The following MROH1 variants were observed in gnomAD, a reference collection of about 807,000 sequenced individuals.
MROH1 encodes the protein maestro heat like repeat family member 1.
Under a neutral mutation model 116.5 loss-of-function variants are expected in MROH1, and 117 were observed. The observed-to-expected ratio is 1.00, with a 90% CI of 0.86 to 1.17. The LOEUF is 1.17. MROH1 is among the 50% of genes most tolerant of loss of function. The pLI is 0.00. For synonymous variants in MROH1, 921 were observed against 583.9 expected, an observed-to-expected ratio of 1.58 and a Z score of -8.32; for missense variants, 1,873 against 1,338.5, an observed-to-expected ratio of 1.40 and a Z score of -6.23.
Position 144,239,184 on chromosome 8 carries a change from G to A in MROH1, c.1591+5G>A. On this transcript the variant is annotated splice_donor_5th_base_variant and intron_variant, in intron 16 of 43. Transcript: ENST00000326134. The stretch of plus-strand genomic sequence containing the variant: ...TCATCCAGTACGACGCCCATGGTGC[G>A]TGCCGCGCCGTACCCCACCTCCCCA... 3 of 758,000 alleles carry A rather than the reference G, an allele frequency of 4.0e-6. No individual in the cohort carries two copies. The highest frequency in any genetic ancestry group is 1.4e-5 in the South Asian group (1 of 73,514). 47.0% of individuals were successfully genotyped at this position (758,000 alleles called of 1,614,324 possible). A position where few individuals can be genotyped will look rare whatever the true frequency, so the allele number is the denominator to read the frequency against.
At chr8:144,187,272 C>T (rs1032547000) in intron 7 of MROH1, among the ~76,000 whole-genome samples, 1 of 151,892 alleles carries the variant, frequency 6.6e-6, no homozygotes, top group African/African-American at 2.4e-5. Flanking sequence ...TAGCCAGGTA[C>T]AGTGTCACGC....
chr8:144,208,008 C>G (rs1208220066), intron 12 of MROH1, among the ~76,000 whole-genome samples: 1 of 148,650 alleles, frequency 6.7e-6, no homozygotes, highest in Non-Finnish European at 1.5e-5. Flanking sequence ...TGCAGTGGTG[C>G]GATCTCAGCT....
In MROH1 at chr8:144,254,826, C is replaced by A; in HGVS notation, c.3442C>A (p.Leu1148Met). The A allele has an allele frequency of 2.6e-6, 2 of 776,678 alleles. No homozygotes were observed. Among genetic ancestry groups the A allele is most frequent in the South Asian group, 1.3e-5 (1 of 74,506 alleles). The allele number at this position is 776,678 out of a possible 1,614,324, so 48.1% of individuals were successfully genotyped here. ...PLPLDSHTCM[L>M]WRALAVEPRL... ...GCTCTGCTCCAGCCACACCTGCATG[C>A]TGTGGCGGGCGCTGGCGGTGGAGCC... The change falls in exon 34 of 44, where the codon CTG becomes ATG. Residue 1148 changes from leucine (L) to methionine (M), a missense_variant. By Grantham distance (15) the Leu-to-Met change is conservative. Transcript: ENST00000326134.
intron 12 of MROH1, among the ~76,000 whole-genome samples, chr8:144,210,653 C>T (rs1345410617): frequency 6.6e-6 from 1 of 151,666 alleles, no homozygotes; most frequent in African/African-American, 2.4e-5. Context: ...CGTGCCACTG[C>T]ACTCCAGCCT....
At chr8:144,225,909 A>AGTTT (rs1837703799) in intron 14 of MROH1, among the ~76,000 whole-genome samples, 11 of 45,086 alleles carry the variant, frequency 2.4e-4, no homozygotes, top group African/African-American at 1.1e-3. Flanking sequence ...ATTCATTTTT[A>AGTTT]GTTTTTTTTT....
chr8:144,158,710 AC>A, intron 1 of MROH1, among the ~76,000 whole-genome samples: 1 of 151,936 alleles, frequency 6.6e-6, no homozygotes, highest in Non-Finnish European at 1.5e-5. Context: ...TGGTCAGAGA[AC>A]ATACTTTGTA....
At chr8:144,178,699 G>T (rs1824751172) in intron 4 of MROH1, among the ~76,000 whole-genome samples, 1 of 152,208 alleles carries the variant, frequency 6.6e-6, no homozygotes, top group Admixed American at 6.5e-5. Flanking sequence ...GAGGGGCCAT[G>T]GTGGGTGCAT....
Position 144,180,601 on chromosome 8 carries a change from G to T in MROH1, c.562+78G>T, listed in dbSNP as rs974068035. On this transcript the variant is annotated intron_variant, in intron 7 of 43. Transcript: ENST00000326134. The surrounding 1 kb of genome is among the most constrained non-coding windows in gnomAD (Gnocchi z 7.4). The stretch of plus-strand genomic sequence containing the variant: ...GTTCCCGGGCATGCCTGTTTTAGGG[G>T]GGACAGGTGGGCACTTTAGGCTGCA... 2 of 1,376,502 alleles carry T rather than the reference G, an allele frequency of 1.5e-6. No individual in the cohort carries two copies. The highest frequency in any genetic ancestry group is 2.0e-6 in the Non-Finnish European group (2 of 999,066). 85.3% of individuals were successfully genotyped at this position (1,376,502 alleles called of 1,614,324 possible).
intron 10 of MROH1, chr8:144,192,906 G>A (rs932770211): frequency 2.3e-5 from 7 of 309,624 alleles, no homozygotes; most frequent in African/African-American, 6.7e-5. Flanking sequence ...TGCAGGTGCC[G>A]GGTCACCCGT....
intron 32 of MROH1, among the ~76,000 whole-genome samples, chr8:144,249,608 C>T (rs1842500800): frequency 6.6e-6 from 1 of 152,150 alleles, no homozygotes; most frequent in Admixed American, 6.5e-5. Flanking sequence ...TTGTGGTGGG[C>T]CTGGGGGTCC....
At chr8:144,222,321 G>C (rs1405361017) in intron 13 of MROH1, among the ~76,000 whole-genome samples, 2 of 152,082 alleles carry the variant, frequency 1.3e-5, no homozygotes. Context: ...GATGGAGGAG[G>C]GAAAGTAAGT....
At chr8:144,252,080 C>CTGCTGCCCAT in intron 33 of MROH1, 1 of 189,834 alleles carries the variant, frequency 5.3e-6, no homozygotes, top group Non-Finnish European at 1.1e-5. Context: ...GTGCTGGGTG[C>CTGCTGCCCAT]CGTGTGGGCT....
In MROH1 at chr8:144,259,350, C is replaced by T. The variant is rs1437652678; in HGVS notation, c.4040C>T (p.Ala1347Val). 2.8e-6 allele frequency: 2 copies of T among 714,956 alleles called. No individual in the cohort carries two copies. The highest frequency in any genetic ancestry group is 3.5e-5 in the African/African-American group (2 of 57,178). The allele number at this position is 714,956 out of a possible 1,614,324, so 44.3% of individuals were successfully genotyped here. A position where few individuals can be genotyped will look rare whatever the true frequency, so the allele number is the denominator to read the frequency against. ...NQRVTTTAFL[A>V]ELLNSNVAND... Reference sequence around the variant, plus strand: ...AGGGTGACCACCACCGCCTTCCTGGCCGAGGTAGGCCCTTCCAGGGACGGA... The same window carrying T: ...AGGGTGACCACCACCGCCTTCCTGGTCGAGGTAGGCCCTTCCAGGGACGGA... The change falls in exon 37 of 44, where the codon GCC (alanine) becomes GTC (valine). Residue 1347 changes from alanine (A) to valine (V), a missense_variant. By Grantham distance (64) the Ala-to-Val change is moderately conservative. Transcript: ENST00000326134.
intron 36 of MROH1, 85 bp from the exon 37 acceptor site, chr8:144,259,155 G>T: frequency 1.4e-6 from 1 of 701,864 alleles, no homozygotes; most frequent in South Asian, 1.5e-5. Context: ...CGGTGGAGCG[G>T]ACCAGGGCTG....
Position 144,192,397 on chromosome 8 carries a change from C to A in MROH1, c.944C>A (p.Ser315Tyr). The change falls in exon 10 of 44, where the codon TCC becomes TAC. Residue 315 changes from serine (S) to tyrosine (Y), a missense_variant. By Grantham distance (144) the Ser-to-Tyr change is moderately radical. Transcript: ENST00000326134. ...QLDALLAALH[S>Y]QICVPVESSS... ...GATGCCCTCTTGGCTGCACTGCACT[C>A]CCAGGTAGGAGGCGGGCGTCAGGGG... 1 of 1,588,220 alleles carries A rather than the reference C, an allele frequency of 6.3e-7. No homozygotes were observed. Among genetic ancestry groups the A allele is most frequent in the East Asian group, 2.3e-5 (1 of 44,138 alleles).
rs1841678345 is a variant in MROH1 at position 144,245,173 on chromosome 8, C to G, written c.2784C>G (p.Ile928Met). ...QIMIEHLSPW[I>M]KSPRGHERAR... is the part of the protein sequence containing the mutation. ...TTCCTCAGCACCTGAGCCCATGGAT[C>G]AAGTCCCCAAGAGGTCACGAGCGGG... is the stretch of plus-strand genomic sequence containing the variant. Residue 928 changes from isoleucine (I) to methionine (M), a missense_variant, in exon 29 of 44, where the codon ATC becomes ATG. Transcript: ENST00000326134. 1 of 779,238 alleles carries G rather than the reference C, an allele frequency of 1.3e-6. No homozygotes were observed. The highest frequency in any genetic ancestry group is 1.3e-5 in the South Asian group (1 of 74,550). 48.3% of individuals were successfully genotyped at this position (779,238 alleles called of 1,614,324 possible).
At position 144,260,907 on chromosome 8, in the gene MROH1, G is replaced by T; in HGVS notation, c.4537G>T (p.Ala1513Ser). 1 of 777,558 alleles carries T rather than the reference G, an allele frequency of 1.3e-6. No individual in the cohort carries two copies. The highest frequency in any genetic ancestry group is 2.4e-6 in the Non-Finnish European group (1 of 417,762). The allele number at this position is 777,558 out of a possible 1,614,324, so 48.2% of individuals were successfully genotyped here. A position where few individuals can be genotyped will look rare whatever the true frequency, so the allele number is the denominator to read the frequency against. ...LQDPQATVAS[A>S]CRFALRMCGP... ...TTGGCCCCAGTGCCGCATCCCTTAG[G>T]CCTGCAGGTTTGCCCTGCGCATGTG... is the stretch of plus-strand genomic sequence containing the variant. The change falls in exon 41 of 44, where the codon GCC (alanine) becomes TCC (serine). Residue 1513 changes from alanine (A) to serine (S), a missense_variant and splice_region_variant. Transcript: ENST00000326134.
intron 12 of MROH1, among the ~76,000 whole-genome samples, chr8:144,212,822 C>T (rs66506549): frequency 0.44 from 67,341 of 151,800 alleles, 15,163 homozygotes; most frequent in South Asian, 0.5. Flanking sequence ...AGCTCCTGAT[C>T]TCAAGTGATC....
rs1840822111 is a variant in MROH1, at chr8:144,240,690, C to G, written c.1935+13C>G. 9.8e-6 allele frequency: 7 copies of G among 715,148 alleles called. No individual in the cohort carries two copies. Among genetic ancestry groups the G allele is most frequent in the Non-Finnish European group, 1.8e-5 (7 of 384,956 alleles). The allele number at this position is 715,148 out of a possible 1,614,324, so 44.3% of individuals were successfully genotyped here. ...ACCCCAGGAGAAGGTGGGGCACCTG[C>G]TGGCGTTCTTGGTGTGGTACTTGGG... On this transcript the variant is annotated intron_variant, in intron 20 of 43. Coordinates refer to ENST00000326134, the MANE Select transcript of MROH1 (RefSeq NM_032450.3).
Sources: gnomAD v4.1 joint callset for allele counts (sites outside exome capture counted in the v4.1 genomes callset) on GRCh38, gnomAD v4.1.1 for gene constraint, Gnocchi (gnomAD v3.1) non-coding constraint, MANE v1.5 for transcripts, NCBI Gene and HGNC (gene_info 2026-07-23, HGNC 2026-07-21) for gene names.